The following RPS10 variants were observed in gnomAD, a reference collection of about 807,000 sequenced individuals.
The protein encoded by RPS10 is small ribosomal subunit protein eS10.
A neutral mutation model predicts 22.6 loss-of-function variants in RPS10; 2 were observed. That is an observed-to-expected ratio of 0.09 (90% CI 0.04 to 0.28). The LOEUF (loss-of-function observed/expected upper bound fraction) is 0.28, where lower values mean the gene tolerates loss of function less well. RPS10 is among the 10% of genes least tolerant of loss of function. The probability of loss-of-function intolerance (pLI) is 1.00; values close to 1 mark genes in which losing one functional copy is unlikely to be tolerated. For missense variants in RPS10, 137 were observed against 222.2 expected, an observed-to-expected ratio of 0.62 and a Z score of 2.44; for synonymous variants, 70 against 75.9, an observed-to-expected ratio of 0.92 and a Z score of 0.40.
At chr6:34,425,354 A>C in intron 1 of RPS10, 133 bp from the exon 2 acceptor site, 1 of 1,202,554 alleles carries the variant, frequency 8.3e-7, no homozygotes, top group Non-Finnish European at 1.2e-6. Flanking sequence ...AACTCCACAA[A>C]ACAGATTCGG....
rs1237534753 is a variant in RPS10 at position 34,417,952 on chromosome 6, CA to C, written c.457-406del. Reference sequence around the variant, plus strand: ...ACTATGCCTGGATTAACTAATCTCACAACTACCTTAGTAGCTGTAATTATCA... The same window carrying C: ...ACTATGCCTGGATTAACTAATCTCACACTACCTTAGTAGCTGTAATTATCA... On this transcript the variant is annotated intron_variant, in intron 5 of 5. Transcript: ENST00000648437. The C allele has an allele frequency of 1.1e-5, 8 of 719,664 alleles. No individual in the cohort carries two copies. The East Asian group carries it at 1.9e-4, about 17-fold the overall frequency. The allele number at this position is 719,664 out of a possible 1,614,324, so 44.6% of individuals were successfully genotyped here.
intron 5 of RPS10, 57 bp downstream of exon 5, chr6:34,418,312 C>A (rs1399086714): frequency 6.2e-7 from 1 of 1,613,448 alleles, no homozygotes; most frequent in Admixed American, 1.7e-5. Flanking sequence ...TGCAGAGCAA[C>A]CAGACTGAGG....
chr6:34,424,163 A>AAAAAAAAAAAAAC (rs1561939868), intron 3 of RPS10: 1 of 150,930 alleles, frequency 6.6e-6, no homozygotes, highest in Admixed American at 6.6e-5. Context: ...AAAAAAAAAA[A>AAAAAAAAAAAAAC]AGCAACTGTG....
chr6:34,423,183 T>G (rs916518675), intron 3 of RPS10, among the ~76,000 whole-genome samples: 2 of 152,210 alleles, frequency 1.3e-5, no homozygotes, highest in African/African-American at 4.8e-5. Context: ...TCTCCTTTTT[T>G]TTTTTTTGAC....
chr6:34,425,304 C>T, intron 1 of RPS10, 83 bp from the exon 2 acceptor site: 4 of 1,521,298 alleles, frequency 2.6e-6, no homozygotes, highest in Non-Finnish European at 3.5e-6. Context: ...CCTAAAGTGA[C>T]CCACACAAAA....
chr6:34,423,453 A>G (rs568446008), intron 3 of RPS10, among the ~76,000 whole-genome samples: 1 of 152,348 alleles, frequency 6.6e-6, no homozygotes, highest in African/African-American at 2.4e-5. Context: ...CTTTTAGAGC[A>G]GAAATAAATT....
intron 5 of RPS10, chr6:34,417,801 T>TA: frequency 1.4e-6 from 1 of 718,776 alleles, no homozygotes; most frequent in East Asian, 2.7e-5. Context: ...TACATACTCC[T>TA]ATGAAAGCAT....
rs773360395 is a variant in RPS10 at position 34,426,032 on chromosome 6, C to T, written c.-1G>A. ...GAACTCGAACGCCACAGAAACTCAC[C>T]TCTGCGGCTGCAGGGTCCGGTACCG... On this transcript the variant is annotated splice_region_variant and 5_prime_UTR_variant, in exon 1 of 6. Coordinates refer to ENST00000648437, the MANE Select transcript of RPS10 (RefSeq NM_001014.5). The T allele has an allele frequency of 6.6e-6, 1 of 152,490 alleles. No homozygotes were observed. Among genetic ancestry groups the T allele is most frequent in the African/African-American group, 2.4e-5 (1 of 41,476 alleles). 9.4% of individuals were successfully genotyped at this position (152,490 alleles called of 1,614,324 possible).
intron 1 of RPS10, chr6:34,425,464 T>A (rs1020209462): frequency 1.8e-5 from 9 of 497,056 alleles, no homozygotes; most frequent in African/African-American, 1.7e-4. Flanking sequence ...CGCGCCAAAC[T>A]TCCTTAAGTT....
chr6:34,420,497 C>T (rs1248912509), intron 4 of RPS10, among the ~76,000 whole-genome samples: 4 of 152,092 alleles, frequency 2.6e-5, no homozygotes, highest in East Asian at 1.9e-4. Flanking sequence ...GGATTACAGG[C>T]ATGAGCCACT....
At position 34,425,533 on chromosome 6, in the gene RPS10, A is replaced by C. The variant is rs576276097; in HGVS notation, c.1-312T>G. On this transcript the variant is annotated intron_variant, in intron 1 of 5. Coordinates refer to ENST00000648437, the MANE Select transcript of RPS10 (RefSeq NM_001014.5). ...GAGCAAACCCTGTATTATCGGGAGC[A>C]GTTGGAGGCCATCAGCGACCGTACC... The C allele has an allele frequency of 2.0e-3, 750 of 366,810 alleles. 14 individuals carry two copies. The highest frequency in any genetic ancestry group is 0.014 in the South Asian group (655 of 45,442). 22.7% of individuals were successfully genotyped at this position (366,810 alleles called of 1,614,324 possible). A position where few individuals can be genotyped will look rare whatever the true frequency, so the allele number is the denominator to read the frequency against.
chr6:34,417,744 CT>C (rs1765627250), intron 5 of RPS10, 197 bp from the exon 6 acceptor site: 2 of 722,324 alleles, frequency 2.8e-6, no homozygotes, highest in Non-Finnish European at 5.1e-6. Context: ...AGGCCCATTT[CT>C]TCATTGGTAA....
chr6:34,425,878 T>C (rs1408049804), intron 1 of RPS10, 154 bp downstream of exon 1: 3 of 154,778 alleles, frequency 1.9e-5, no homozygotes, highest in Admixed American at 1.3e-4. Flanking sequence ...CCCTACCCCA[T>C]AAAATAAGCC....
At chr6:34,417,711 A>C in intron 5 of RPS10, 164 bp from the exon 6 acceptor site, 1 of 741,036 alleles carries the variant, frequency 1.3e-6, no homozygotes, top group Non-Finnish European at 2.5e-6. Context: ...CCCTTACTGG[A>C]TGTGGGGCCA....
chr6:34,422,660 T>C (rs1425330752), intron 3 of RPS10, among the ~76,000 whole-genome samples: 2 of 150,894 alleles, frequency 1.3e-5, no homozygotes, highest in African/African-American at 2.4e-5. Context: ...GGTTTTACCA[T>C]GTTAGACAGG....
chr6:34,424,163 A>AAAAAAAAAAAAC (rs1561939868), intron 3 of RPS10: 2 of 150,930 alleles, frequency 1.3e-5, no homozygotes, highest in African/African-American at 2.5e-5. Context: ...AAAAAAAAAA[A>AAAAAAAAAAAAC]AGCAACTGTG....
chr6:34,425,453 T>G (rs1765923818), intron 1 of RPS10: 1 of 533,260 alleles, frequency 1.9e-6, no homozygotes, highest in Non-Finnish European at 3.4e-6. Flanking sequence ...TGGTGCACAT[T>G]CGCGCCAAAC....
chr6:34,423,490 A>AT (rs1765838459), intron 3 of RPS10, among the ~76,000 whole-genome samples: 1 of 152,214 alleles, frequency 6.6e-6, no homozygotes, highest in African/African-American at 2.4e-5. Context: ...GCAAAAACAA[A>AT]TGTCAGGCCC....
chr6:34,421,090 C>G (rs1209636356), intron 4 of RPS10, among the ~76,000 whole-genome samples: 1 of 141,688 alleles, frequency 7.1e-6, no homozygotes, highest in Non-Finnish European at 1.5e-5. Flanking sequence ...CACATTTTAC[C>G]GAAGAGGTTT....
Sources: allele counts gnomAD v4.1 joint callset (sites outside exome capture counted in the v4.1 genomes callset), GRCh38; gene constraint gnomAD v4.1.1; transcripts MANE v1.5; gene names NCBI Gene and HGNC (gene_info 2026-07-23, HGNC 2026-07-21).